TNRC18: variants seen among roughly 807,000 people sequenced by gnomAD.
TNRC18 encodes the protein trinucleotide repeat containing 18, also known as trinucleotide repeat-containing gene 18 protein.
A neutral mutation model predicts 226.7 loss-of-function variants in TNRC18; 69 were observed. The ratio of observed to expected loss-of-function variants is 0.30; its 90% CI spans 0.25 to 0.37. TNRC18 has a LOEUF of 0.37. TNRC18 is among the 10% of genes least tolerant of loss of function. The pLI, the probability that TNRC18 is intolerant of heterozygous loss-of-function variation, is 1.00. For missense variants in TNRC18, 4,754 were observed against 4,256.6 expected (o/e 1.12, Z -3.25); for synonymous variants, 2,449 against 1,927.6 (o/e 1.27, Z -7.09).
At chr7:5,341,646 C>A (rs967926838) in intron 18 of TNRC18, among the ~76,000 whole-genome samples, 1 of 151,670 alleles carries the variant, frequency 6.6e-6, no homozygotes, top group Non-Finnish European at 1.5e-5. Flanking sequence ...CGCCTGTAAT[C>A]CCAGCTACTC....
intron 21 of TNRC18, among the ~76,000 whole-genome samples, chr7:5,323,971 C>A (rs1249596870): frequency 6.6e-6 from 1 of 152,212 alleles, no homozygotes; most frequent in East Asian, 1.9e-4. Flanking sequence ...CCTTCCCAAG[C>A]CCCGCAGGAC....
intron 2 of TNRC18, among the ~76,000 whole-genome samples, chr7:5,409,927 C>T (rs1294300385): frequency 2.1e-5 from 3 of 141,596 alleles, no homozygotes; most frequent in African/African-American, 5.3e-5. Context: ...GGAGGTGGAG[C>T]TTGCAGTGAG....
chr7:5,370,476 G>C lies in TNRC18; in HGVS notation c.4118C>G (p.Ala1373Gly), dbSNP rs1350984130. Residue 1373 changes from alanine to glycine, a missense_variant, in exon 11 of 30, where the codon GCA becomes GGA. Physicochemically the swap from Ala to Gly is moderately conservative, Grantham distance 60. Coordinates refer to ENST00000430969, the MANE Select transcript of TNRC18 (RefSeq NM_001080495.3). ...CTGCTCCAAGACAAGGCTCTCGGCTGCTTCCAGCTTCTCCAAGGCCTGGGC... is the reference window on the plus strand; with the variant it reads ...CTGCTCCAAGACAAGGCTCTCGGCTCCTTCCAGCTTCTCCAAGGCCTGGGC... ...AGAQALEKLE[A>G]AESLVLEQSF... is the part of the protein sequence containing the mutation. 6.3e-7 allele frequency: 1 copy of C among 1,584,614 alleles called. No homozygotes were observed. Among genetic ancestry groups the C allele is most frequent in the Non-Finnish European group, 8.6e-7 (1 of 1,165,376 alleles).
rs779988179 is a variant in TNRC18 at position 5,387,727 on chromosome 7, C to A, written c.2097G>T (p.Arg699=). 1 of 1,606,020 alleles carries A rather than the reference C, an allele frequency of 6.2e-7. No individual in the cohort carries two copies. The highest frequency in any genetic ancestry group is 8.5e-7 in the Non-Finnish European group (1 of 1,179,802). The change falls in exon 5 of 30, where the codon CGG becomes CGT. Residue 699 remains arginine, a synonymous_variant. Transcript: ENST00000430969. ...ARQKDSGGSG[R]LGPGLVDQER... ...CCTGGTCTACCAGCCCAGGCCCCAG[C>A]CGGCCACTGCCGCCACTGTCCTTCT...
chr7:5,318,379 A>T (rs1442945343), intron 24 of TNRC18, among the ~76,000 whole-genome samples: 1 of 152,166 alleles, frequency 6.6e-6, no homozygotes, highest in Non-Finnish European at 1.5e-5. Context: ...AGGGGTTAGA[A>T]GATAAAAGTA....
chr7:5,413,748 TCTC>T (rs1311582719), intron 2 of TNRC18, among the ~76,000 whole-genome samples: 1 of 152,188 alleles, frequency 6.6e-6, no homozygotes, highest in East Asian at 1.9e-4. Flanking sequence ...CCCAGACTTC[TCTC>T]CTAACTCCTG....
At chr7:5,356,184 A>G (rs1240353495) in intron 16 of TNRC18, among the ~76,000 whole-genome samples, 70 of 140,974 alleles carry the variant, frequency 5.0e-4, no homozygotes, top group Middle Eastern at 7.5e-3. Context: ...AAAAAAAAAA[A>G]GAAAGAAAAT....
intron 16 of TNRC18, among the ~76,000 whole-genome samples, chr7:5,353,849 T>A (rs1369992444): frequency 6.6e-6 from 1 of 152,142 alleles, no homozygotes; most frequent in Non-Finnish European, 1.5e-5. Context: ...ATGAGTCCGT[T>A]TCTCTCATCC....
chr7:5,333,162 C>G, intron 18 of TNRC18, 113 bp from the exon 19 acceptor site: 1 of 1,218,880 alleles, frequency 8.2e-7, no homozygotes, highest in Non-Finnish European at 1.2e-6. Flanking sequence ...AATGGCAGCG[C>G]TTCTGCCCGT....
chr7:5,410,986 A>G (rs1431000682), intron 2 of TNRC18, among the ~76,000 whole-genome samples: 1 of 151,866 alleles, frequency 6.6e-6, no homozygotes, highest in African/African-American at 2.4e-5. Flanking sequence ...CAGGTGGATC[A>G]CTTGAGGTCA....
chr7:5,333,093 C>A, intron 18 of TNRC18, 44 bp from the exon 19 acceptor site: 1 of 1,533,104 alleles, frequency 6.5e-7, no homozygotes, highest in African/African-American at 1.4e-5. Context: ...CTCGTGGGGA[C>A]CCCTTCCCTC....
At chr7:5,318,565 A>G (rs1037870869) in intron 24 of TNRC18, among the ~76,000 whole-genome samples, 1 of 151,532 alleles carries the variant, frequency 6.6e-6, no homozygotes, top group African/African-American at 2.4e-5. Flanking sequence ...TTTGCTTCAA[A>G]ATCAAAGCCT....
chr7:5,359,449 C>T lies in TNRC18; in HGVS notation c.4782G>A (p.Gly1594=), dbSNP rs754096026. The T allele has an allele frequency of 8.1e-6, 13 of 1,613,796 alleles. No homozygotes were observed. In the Admixed American group the frequency reaches 2.0e-4, roughly 25 times the overall value. ...DALIGMGKAR[G]RNQTWDEHEA... is the part of the protein sequence containing the mutation. ...CATGTTCATCCCAAGTCTGGTTCCT[C>T]CCCCTGGCTTTCCCCATTCCGATGA... The change falls in exon 15 of 30, where the codon GGG becomes GGA. Residue 1594 remains glycine, a synonymous_variant. Coordinates refer to ENST00000430969, the MANE Select transcript of TNRC18 (RefSeq NM_001080495.3).
intron 2 of TNRC18, among the ~76,000 whole-genome samples, chr7:5,413,260 C>T (rs911920052): frequency 6.6e-6 from 1 of 152,168 alleles, no homozygotes; most frequent in Non-Finnish European, 1.5e-5. Flanking sequence ...AAGAGCAGCC[C>T]CCGCCAGCCA....
At chr7:5,367,780 T>G (rs1240157451) in intron 11 of TNRC18, among the ~76,000 whole-genome samples, 1 of 151,976 alleles carries the variant, frequency 6.6e-6, no homozygotes, top group African/African-American at 2.4e-5. Context: ...AAGTTTCTAT[T>G]GAACTATTTT....
At chr7:5,397,773 C>G (rs930708747) in intron 2 of TNRC18, among the ~76,000 whole-genome samples, 2 of 152,092 alleles carry the variant, frequency 1.3e-5, no homozygotes, top group Non-Finnish European at 2.9e-5. Context: ...GCCACACGAC[C>G]CAAGCAGGCC....
chr7:5,375,993 G>A (rs773922505), intron 9 of TNRC18, 41 bp downstream of exon 9: 2 of 1,546,772 alleles, frequency 1.3e-6, no homozygotes, highest in Non-Finnish European at 1.7e-6. Flanking sequence ...TCACCCATGG[G>A]GGCCCCCAGA....
chr7:5,319,369 A>G (rs1457498419), intron 24 of TNRC18, among the ~76,000 whole-genome samples: 2 of 152,096 alleles, frequency 1.3e-5, no homozygotes, highest in Non-Finnish European at 2.9e-5. Flanking sequence ...GGTTTGTCTA[A>G]TCCACATCCA....
intron 2 of TNRC18, among the ~76,000 whole-genome samples, chr7:5,416,362 C>A (rs1477569497): frequency 6.6e-6 from 1 of 151,652 alleles, no homozygotes; most frequent in Admixed American, 6.6e-5. Flanking sequence ...TTGCAGTGAG[C>A]CGAGATGGAG....
Sources: gnomAD v4.1 joint callset for allele counts (sites outside exome capture counted in the v4.1 genomes callset) on GRCh38, gnomAD v4.1.1 for gene constraint, MANE v1.5 for transcripts, NCBI Gene and HGNC (gene_info 2026-07-23, HGNC 2026-07-21) for gene names.